TTLL5: variants seen among roughly 807,000 people sequenced by gnomAD.
TTLL5 encodes the protein tubulin polyglutamylase TTLL5.
In TTLL5, 132 loss-of-function variants were observed where a neutral mutation model predicts 168.4. That is an observed-to-expected ratio of 0.78 (90% CI 0.68 to 0.91). The LOEUF is 0.91. Among genes scored for constraint, TTLL5 ranks in the 40% least tolerant of loss-of-function variants. TTLL5 has a pLI of 0.00. For missense variants in TTLL5, 1,545 were observed against 1,581.5 expected, an observed-to-expected ratio of 0.98 and a Z score of 0.39; for synonymous variants, 546 against 558.6, an observed-to-expected ratio of 0.98 and a Z score of 0.32.
At chr14:75,691,529 G>T (rs1195774677) in intron 6 of TTLL5, among the ~76,000 whole-genome samples, 1 of 152,222 alleles carries the variant, frequency 6.6e-6, no homozygotes, top group Non-Finnish European at 1.5e-5. Flanking sequence ...GAGTTATGCA[G>T]CTTGCAAATG....
chr14:75,719,240 C>T (rs962204568), intron 10 of TTLL5, among the ~76,000 whole-genome samples: 1 of 152,220 alleles, frequency 6.6e-6, no homozygotes, highest in Non-Finnish European at 1.5e-5. Flanking sequence ...AGGAGGGAAC[C>T]TGCTTCAGAT....
chr14:75,790,649 G>A (rs1892644159), intron 26 of TTLL5, among the ~76,000 whole-genome samples: 1 of 151,448 alleles, frequency 6.6e-6, no homozygotes, highest in African/African-American at 2.4e-5. Context: ...AGTTTTTGTA[G>A]AGAAGAGATC....
At chr14:75,731,422 C>T (rs1173979231) in intron 12 of TTLL5, among the ~76,000 whole-genome samples, 3 of 131,682 alleles carry the variant, frequency 2.3e-5, no homozygotes, top group African/African-American at 8.4e-5. Flanking sequence ...CACACACACA[C>T]AGGACTGTAC....
chr14:75,694,999 A>G (rs1885737328), intron 6 of TTLL5, among the ~76,000 whole-genome samples: 1 of 152,262 alleles, frequency 6.6e-6, no homozygotes, highest in Admixed American at 6.5e-5. Context: ...CCTTGAAAAA[A>G]GAACAGGATA....
In TTLL5 at chr14:75,948,590, G is replaced by C. The variant is rs112696312; in HGVS notation, c.3824-5834G>C. ...AATTTATGCTTACAGTGAGGGAAGAGGAGGGGCTGAAAGTTAATGTGCCAA... is the reference window on the plus strand; with the variant it reads ...AATTTATGCTTACAGTGAGGGAAGACGAGGGGCTGAAAGTTAATGTGCCAA... On this transcript the variant is annotated intron_variant, in intron 31 of 31. Coordinates refer to ENST00000298832, the MANE Select transcript of TTLL5 (RefSeq NM_015072.5). Among the ~76,000 whole-genome samples, 889 of 152,138 alleles carry C rather than the reference G, an allele frequency of 5.8e-3. 7 individuals are homozygous for C. The highest frequency in any genetic ancestry group is 9.5e-3 in the Non-Finnish European group (646 of 68,004).
intron 31 of TTLL5, among the ~76,000 whole-genome samples, chr14:75,926,857 A>G (rs1426964743): frequency 6.6e-6 from 1 of 152,224 alleles, no homozygotes; most frequent in Non-Finnish European, 1.5e-5. Flanking sequence ...AAATGTTTGT[A>G]TACGAGGGTT....
chr14:75,726,856 T>G (rs531305008), intron 12 of TTLL5, among the ~76,000 whole-genome samples: 1 of 152,266 alleles, frequency 6.6e-6, no homozygotes, highest in African/African-American at 2.4e-5. Flanking sequence ...GCGATAGGAT[T>G]ATTATTATTT....
At chr14:75,863,936 G>GAAAAAAAAAAA (rs1298428665) in intron 29 of TTLL5, 74 bp downstream of exon 29, 1 of 651,740 alleles carries the variant, frequency 1.5e-6, no homozygotes, top group African/African-American at 4.4e-5. Flanking sequence ...AAAAAAAAAG[G>GAAAAAAAAAAA]TCAGTGAATG....
At chr14:75,685,394 AG>A (rs1449282272) in intron 5 of TTLL5, among the ~76,000 whole-genome samples, 42 of 150,658 alleles carry the variant, frequency 2.8e-4, no homozygotes, top group African/African-American at 9.6e-4. Flanking sequence ...AAAAAAAAAA[AG>A]GGTGGTGTTA....
intron 28 of TTLL5, among the ~76,000 whole-genome samples, chr14:75,830,713 C>T (rs1370839823): frequency 6.6e-6 from 1 of 152,238 alleles, no homozygotes; most frequent in African/African-American, 2.4e-5. Flanking sequence ...TTCTATCACT[C>T]TTTCACTTAA....
chr14:75,869,332 G>A (rs918602247), intron 29 of TTLL5, among the ~76,000 whole-genome samples: 12 of 151,996 alleles, frequency 7.9e-5, no homozygotes, highest in African/African-American at 2.9e-4. Flanking sequence ...TTTGGAAATA[G>A]GCCACTCTAG....
intron 31 of TTLL5, among the ~76,000 whole-genome samples, chr14:75,902,942 T>A (rs114058792): frequency 9.9e-4 from 150 of 152,228 alleles, no homozygotes; most frequent in African/African-American, 3.4e-3. Flanking sequence ...TTAAAGGAGA[T>A]AGAAAAGTCA....
intron 27 of TTLL5, among the ~76,000 whole-genome samples, chr14:75,808,059 C>T (rs1893759716): frequency 6.6e-6 from 1 of 152,130 alleles, no homozygotes; most frequent in South Asian, 2.1e-4. Context: ...AAGAATAGAT[C>T]TTATGATGGC....
intron 27 of TTLL5, among the ~76,000 whole-genome samples, 195 bp from the exon 28 acceptor site, chr14:75,819,806 AACTTAC>A (rs1205924975): frequency 2.0e-5 from 3 of 152,158 alleles, no homozygotes; most frequent in African/African-American, 7.2e-5. Context: ...AATGCTTGTT[AACTTAC>A]ACTGACACTG....
At position 75,792,860 on chromosome 14, in the gene TTLL5, A is replaced by C; in HGVS notation, c.2987-56A>C. The C allele has an allele frequency of 2.7e-6, 4 of 1,469,806 alleles. No homozygotes were observed. The South Asian group carries it at 6.1e-5, about 22-fold the overall frequency. The allele number at this position is 1,469,806 out of a possible 1,614,324, so 91.0% of individuals were successfully genotyped here. A position where few individuals can be genotyped will look rare whatever the true frequency, so the allele number is the denominator to read the frequency against. On this transcript the variant is annotated intron_variant, in intron 26 of 31. Coordinates refer to ENST00000298832, the MANE Select transcript of TTLL5 (RefSeq NM_015072.5). Reference sequence around the variant, plus strand: ...ACCTGAGATTTCTGTCATTATCCTAATTTTTTTCAGGCCTTTTTTTCCTAA... The same window carrying C: ...ACCTGAGATTTCTGTCATTATCCTACTTTTTTTCAGGCCTTTTTTTCCTAA...
intron 12 of TTLL5, 84 bp from the exon 13 acceptor site, chr14:75,732,254 G>C: frequency 8.4e-7 from 1 of 1,187,286 alleles, no homozygotes; most frequent in Non-Finnish European, 1.2e-6. Flanking sequence ...AGGCCTGGGA[G>C]TTAATGAGAT....
intron 3 of TTLL5, among the ~76,000 whole-genome samples, chr14:75,681,246 G>A (rs1884588333): frequency 6.6e-6 from 1 of 151,952 alleles, no homozygotes; most frequent in Admixed American, 6.6e-5. Context: ...TTAGTGGCAG[G>A]GTCACAGATA....
Position 75,745,151 on chromosome 14 carries a change from C to T in TTLL5, c.1338C>T (p.Ala446=). ...AAATGAAAAACCTCGTGGGCTCAGC[C>T]CGGGAGAAAGGGCCAGGGAAGTTGG... ...DAEMKNLVGS[A]REKGPGKLGG... is the part of the protein sequence containing the mutation. Residue 446 remains alanine, a synonymous_variant, in exon 16 of 32, where the codon GCC becomes GCT. Coordinates refer to ENST00000298832, the MANE Select transcript of TTLL5 (RefSeq NM_015072.5). The T allele has an allele frequency of 6.2e-7, 1 of 1,613,870 alleles. No individual in the cohort carries two copies.
chr14:75,737,625 T>A, intron 15 of TTLL5: 3 of 1,532,934 alleles, frequency 2.0e-6, no homozygotes, highest in Non-Finnish European at 2.6e-6. Flanking sequence ...CTAGATCTTT[T>A]GGAGACTTCT....
Sources: gnomAD v4.1 joint callset for allele counts (sites outside exome capture counted in the v4.1 genomes callset) on GRCh38, gnomAD v4.1.1 for gene constraint, MANE v1.5 for transcripts, NCBI Gene and HGNC (gene_info 2026-07-23, HGNC 2026-07-21) for gene names.